CFAP20DC: variants seen among roughly 807,000 people sequenced by gnomAD.
CFAP20DC encodes protein CFAP20DC.
A neutral mutation model predicts 101.7 loss-of-function variants in CFAP20DC; 84 were observed. The observed-to-expected ratio is 0.83, with a 90% CI of 0.69 to 0.99. The LOEUF is 0.99. Ranked by LOEUF, CFAP20DC falls within the 50% of genes least tolerant of loss-of-function variation. The probability of loss-of-function intolerance (pLI) is 0.00; values close to 1 mark genes in which losing one functional copy is unlikely to be tolerated. For missense variants in CFAP20DC, 1,007 were observed against 970.3 expected, an observed-to-expected ratio of 1.04 and a Z score of -0.50; for synonymous variants, 359 against 351.2, an observed-to-expected ratio of 1.02 and a Z score of -0.25.
rs1437114539 is a variant in CFAP20DC at position 59,001,402 on chromosome 3, C to CTCTCTCCT, written c.278+38147_278+38154dup. Reference sequence around the variant, plus strand: ...AGTCTCTCCCTCTCTCCCTCTCTCCCTCTCTCCTTCTCTCTCTCCTCTCTT... The same window carrying CTCTCTCCT: ...AGTCTCTCCCTCTCTCCCTCTCTCCCTCTCTCCTTCTCTCCTTCTCTCTCTCCTCTCTT... On this transcript the variant is annotated intron_variant, in intron 4 of 16. Transcript: ENST00000482387. This position sits in a 1 kb window ranked among gnomAD's most constrained non-coding sequence, Gnocchi z 4.5. 6.6e-6 allele frequency among the ~76,000 whole-genome samples: 1 copy of CTCTCTCCT among 151,990 alleles called. No homozygotes were observed. Among genetic ancestry groups the CTCTCTCCT allele is most frequent in the African/African-American group, 2.4e-5 (1 of 41,402 alleles).
intron 4 of CFAP20DC, among the ~76,000 whole-genome samples, chr3:58,977,010 T>G (rs1485427374): frequency 6.6e-6 from 1 of 152,212 alleles, no homozygotes; most frequent in Non-Finnish European, 1.5e-5. Context: ...ATTTCAATAT[T>G]AGAAGTGATT....
chr3:58,810,752 G>A (rs1446142921), intron 14 of CFAP20DC, among the ~76,000 whole-genome samples: 3 of 151,080 alleles, frequency 2.0e-5, no homozygotes. Flanking sequence ...TAGGAAAAGA[G>A]GAAGTCAAAT....
chr3:58,866,094 A>C (rs2108492501), intron 11 of CFAP20DC, among the ~76,000 whole-genome samples: 1 of 152,376 alleles, frequency 6.6e-6, no homozygotes, highest in Middle Eastern at 3.4e-3. Context: ...ATTTTAATGA[A>C]GGTTTCAACG....
intron 4 of CFAP20DC, among the ~76,000 whole-genome samples, chr3:58,951,035 A>G (rs2090044396): frequency 1.3e-5 from 2 of 152,014 alleles, no homozygotes; most frequent in African/African-American, 4.8e-5. Context: ...AATATCCAGA[A>G]TCTACAATGA....
At chr3:59,043,223 G>A (rs567006328) in intron 3 of CFAP20DC, among the ~76,000 whole-genome samples, 5 of 151,192 alleles carry the variant, frequency 3.3e-5, no homozygotes, top group Non-Finnish European at 5.9e-5. Flanking sequence ...CAACGACTGA[G>A]TCCAGGGACG....
At chr3:58,967,054 T>C (rs1224741736) in intron 4 of CFAP20DC, among the ~76,000 whole-genome samples, 1 of 152,156 alleles carries the variant, frequency 6.6e-6, no homozygotes, top group Non-Finnish European at 1.5e-5. Context: ...CCCAGAGCAA[T>C]CTTGAAAAGC....
intron 4 of CFAP20DC, among the ~76,000 whole-genome samples, chr3:58,942,725 A>G (rs1342599369): frequency 6.6e-6 from 1 of 152,038 alleles, no homozygotes; most frequent in Non-Finnish European, 1.5e-5. Context: ...GTGAGACAGA[A>G]CCCTTCACTC....
rs185456801 is a variant in CFAP20DC, at chr3:58,903,765, G to T, written c.550+9943C>A. 9.9e-5 allele frequency among the ~76,000 whole-genome samples: 15 copies of T among 152,260 alleles called. No homozygotes were observed. In the East Asian group the frequency reaches 2.7e-3, roughly 27 times the overall value. On this transcript the variant is annotated intron_variant, in intron 6 of 16. Coordinates refer to ENST00000482387, the MANE Select transcript of CFAP20DC (RefSeq NM_001394063.1). The stretch of plus-strand genomic sequence containing the variant: ...GGTCTCTCCCACCACAACACATGGG[G>T]ATTACGAGAACTACAACTCAAGATG...
intron 4 of CFAP20DC, among the ~76,000 whole-genome samples, chr3:58,951,945 G>T (rs1045450637): frequency 2.0e-5 from 3 of 152,126 alleles, no homozygotes; most frequent in Non-Finnish European, 4.4e-5. Context: ...GTGTTCCAAA[G>T]CTCACTTTAG....
intron 4 of CFAP20DC, among the ~76,000 whole-genome samples, chr3:59,023,864 C>T (rs1001563026): frequency 6.6e-6 from 1 of 152,004 alleles, no homozygotes; most frequent in African/African-American, 2.4e-5. Context: ...GAAGGTTGAA[C>T]CATATCAGTG....
intron 4 of CFAP20DC, among the ~76,000 whole-genome samples, chr3:59,008,873 T>A (rs1056323131): frequency 1.5e-4 from 22 of 150,538 alleles, no homozygotes; most frequent in African/African-American, 4.6e-4. Flanking sequence ...TAATAAAATT[T>A]AAAAAAAAAG....
intron 6 of CFAP20DC, among the ~76,000 whole-genome samples, chr3:58,904,272 G>A (rs1020706771): frequency 9.2e-5 from 14 of 151,918 alleles, no homozygotes; most frequent in Admixed American, 8.5e-4. Context: ...GTTTCTGAGA[G>A]ATGAGGTTCT....
chr3:58,937,541 T>G (rs996060692), intron 5 of CFAP20DC, 107 bp downstream of exon 5: 4 of 705,682 alleles, frequency 5.7e-6, no homozygotes, highest in Non-Finnish European at 1.0e-5. Context: ...ATTCATTTTT[T>G]ATACCACCAT....
intron 6 of CFAP20DC, 115 bp from the exon 7 acceptor site, chr3:58,884,824 G>A: frequency 1.2e-6 from 1 of 839,510 alleles, no homozygotes; most frequent in Non-Finnish European, 1.8e-6. Flanking sequence ...CTTTGTACGA[G>A]TTATTCAACC....
At chr3:58,764,210 T>C (rs940345721) in intron 15 of CFAP20DC, among the ~76,000 whole-genome samples, 24 of 152,166 alleles carry the variant, frequency 1.6e-4, no homozygotes, top group Non-Finnish European at 1.5e-4. Flanking sequence ...AGCTGCTTTG[T>C]TTACCTACTC....
intron 4 of CFAP20DC, among the ~76,000 whole-genome samples, chr3:58,979,460 T>C (rs891753425): frequency 4.6e-5 from 7 of 152,342 alleles, no homozygotes; most frequent in East Asian, 3.9e-4. Flanking sequence ...ACTTTGAGGT[T>C]ACAACAAAGT....
chr3:58,725,954 C>T (rs73837937), intron 3 of CFAP20DC: 2,634 of 153,974 alleles, frequency 0.017, 91 homozygotes, highest in African/African-American at 0.06. Context: ...ATCGCGTGCA[C>T]CCTAAAGCCT....
chr3:58,843,544 A>G (rs2077342029), intron 13 of CFAP20DC, among the ~76,000 whole-genome samples: 3 of 152,102 alleles, frequency 2.0e-5, no homozygotes, highest in Admixed American at 2.0e-4. Flanking sequence ...TGATTGGTGT[A>G]CCTGAAAGTA....
At chr3:58,839,626 T>G (rs1254248099) in intron 13 of CFAP20DC, among the ~76,000 whole-genome samples, 1 of 152,178 alleles carries the variant, frequency 6.6e-6, no homozygotes, top group African/African-American at 2.4e-5. Context: ...CAATAAACAT[T>G]TGATGAGTAG....
Sources: gnomAD v4.1 joint callset for allele counts (sites outside exome capture counted in the v4.1 genomes callset) on GRCh38, gnomAD v4.1.1 for gene constraint, Gnocchi (gnomAD v3.1) non-coding constraint, MANE v1.5 for transcripts, NCBI Gene and HGNC (gene_info 2026-07-23, HGNC 2026-07-21) for gene names.